LGI4: variants seen among roughly 807,000 people sequenced by gnomAD.
LGI4 encodes leucine rich repeat LGI family member 4, also known as leucine-rich repeat LGI family member 4.
In LGI4, 36 loss-of-function variants were observed where a neutral mutation model predicts 48.3. That is an observed-to-expected ratio of 0.75 (90% CI 0.57 to 0.98). LGI4 has a LOEUF of 0.98. Ranked by LOEUF, LGI4 falls within the 50% of genes least tolerant of loss-of-function variation. The probability of loss-of-function intolerance (pLI) is 0.00; values close to 1 mark genes in which losing one functional copy is unlikely to be tolerated. For missense variants in LGI4, 701 were observed against 732.1 expected (o/e 0.96, Z 0.49); for synonymous variants, 355 against 331.6 (o/e 1.07, Z -0.77).
chr19:35,124,916 C>G lies in LGI4; in HGVS notation c.*277G>C, dbSNP rs576035491. The G allele has an allele frequency of 2.4e-5, 8 of 329,302 alleles. No individual in the cohort carries two copies. In the East Asian group the frequency reaches 3.3e-4, roughly 14 times the overall value. The allele number at this position is 329,302 out of a possible 1,614,324, so 20.4% of individuals were successfully genotyped here. A position where few individuals can be genotyped will look rare whatever the true frequency, so the allele number is the denominator to read the frequency against. ...CCATGCAGTGCACCAGCCTGCACCC[C>G]CCAGGTTGCCTTTGATGGGGAATCT... On this transcript the variant is annotated 3_prime_UTR_variant, in exon 9 of 9. Transcript: ENST00000310123.
At position 35,126,770 on chromosome 19, in the gene LGI4, A is replaced by G; in HGVS notation, c.799T>C (p.Ser267Pro). ...ACCAGTGGCTTGCAGGACACCACGG[A>G]GGCCGCTGTGGGGAGGTGGGGAGGC... ...FRPEEELPAA[S>P]VVSCKPLVLG... Residue 267 changes from serine (S) to proline (P), a missense_variant, in exon 8 of 9, where the codon TCC (serine) becomes CCC (proline). Ser to Pro is a moderately conservative substitution (Grantham distance 74, BLOSUM62 -1). Around this residue, in one of 3 missense-constraint regions of LGI4, gnomAD observed 462 missense variants for 436.4 expected, o/e 1.06. Coordinates refer to ENST00000310123, the MANE Select transcript of LGI4 (RefSeq NM_139284.3). The G allele has an allele frequency of 6.4e-7, 1 of 1,550,696 alleles. No homozygotes were observed. Among genetic ancestry groups the G allele is most frequent in the East Asian group, 2.4e-5 (1 of 41,614 alleles).
chr19:35,132,372 T>C (rs1381274146), intron 3 of LGI4, among the ~76,000 whole-genome samples: 1 of 151,938 alleles, frequency 6.6e-6, no homozygotes, highest in East Asian at 1.9e-4. Context: ...CCAACACCCA[T>C]GTCTTTATCA....
chr19:35,128,717 A>C (rs537984816), intron 6 of LGI4, among the ~76,000 whole-genome samples: 6 of 152,192 alleles, frequency 3.9e-5, no homozygotes, highest in African/African-American at 1.4e-4. Context: ...GTTTCAAATA[A>C]ACAAACAAAC....
rs1447741734 is a variant in LGI4, at chr19:35,132,014, T to C, written c.343A>G (p.Ile115Val). 4 of 1,586,106 alleles carry C rather than the reference T, an allele frequency of 2.5e-6. No homozygotes were observed. In the Admixed American group the frequency reaches 5.4e-5, roughly 21 times the overall value. The change falls in exon 4 of 9, where the codon ATC (isoleucine) becomes GTC (valine). Residue 115 changes from isoleucine (I) to valine (V), a missense_variant. Ile to Val is a conservative substitution (Grantham distance 29, BLOSUM62 3). Around this residue, in one of 3 missense-constraint regions of LGI4, gnomAD observed 462 missense variants for 436.4 expected, o/e 1.06. Coordinates refer to ENST00000310123, the MANE Select transcript of LGI4 (RefSeq NM_139284.3). ...LFIEDNEIGS[I>V]SKNALRGLRS... ...AGTCCTCTGAGGGCATTCTTAGAGA[T>C]GGAGCCAATCTCATTGTCCTCGATG...
chr19:35,133,941 C>T, intron 2 of LGI4, 92 bp downstream of exon 2: 1 of 1,390,602 alleles, frequency 7.2e-7, no homozygotes, highest in Admixed American at 2.0e-5. Context: ...CATCAATGCC[C>T]ACCTGACATC....
chr19:35,131,978 T>C lies in LGI4; in HGVS notation c.379A>G (p.Thr127Ala). 1 of 1,588,954 alleles carries C rather than the reference T, an allele frequency of 6.3e-7. No individual in the cohort carries two copies. The highest frequency in any genetic ancestry group is 1.3e-5 in the African/African-American group (1 of 74,600). The part of the protein sequence containing the change: ...KNALRGLRSL[T>A]HLSLANNHLE... ...GGCGGTGGAGGCACGCACAGGTGTGTAAGCGAGCGAAGTCCTCTGAGGGCA... is the reference window on the plus strand; with the variant it reads ...GGCGGTGGAGGCACGCACAGGTGTGCAAGCGAGCGAAGTCCTCTGAGGGCA... Residue 127 changes from threonine to alanine, a missense_variant, in exon 4 of 9, where the codon ACA becomes GCA. Coordinates refer to ENST00000310123, the MANE Select transcript of LGI4 (RefSeq NM_139284.3).
At chr19:35,133,352 TTTC>T in intron 3 of LGI4, 1 of 1,132,326 alleles carries the variant, frequency 8.8e-7, no homozygotes, top group Non-Finnish European at 1.1e-6. Context: ...ATTTGAAACG[TTTC>T]TTGTCTCTGA....
chr19:35,133,953 G>A (rs780556269), intron 2 of LGI4, 80 bp downstream of exon 2: 38 of 1,426,180 alleles, frequency 2.7e-5, no homozygotes, highest in Non-Finnish European at 3.5e-5. Context: ...CCTGACATCT[G>A]TGTGAGCATA....
intron 6 of LGI4, chr19:35,131,016 G>T: frequency 1.8e-6 from 1 of 570,904 alleles, no homozygotes; most frequent in Non-Finnish European, 3.1e-6. Flanking sequence ...TAGAAAAGGC[G>T]AGTCAATGTA....
At position 35,126,708 on chromosome 19, in the gene LGI4, C is replaced by A; in HGVS notation, c.861G>T (p.Leu287=). The A allele has an allele frequency of 6.5e-7, 1 of 1,538,680 alleles. No homozygotes were observed. Residue 287 remains leucine, a synonymous_variant, in exon 8 of 9, where the codon CTG becomes CTT. Transcript: ENST00000310123. ...GPSLFVLAAR[L]WGGSQLWARP... The stretch of plus-strand genomic sequence containing the variant: ...GGGCCCACAGCTGTGAGCCCCCCCA[C>A]AGGCGGGCAGCCAGCACGAAGAGGC...
intron 6 of LGI4, among the ~76,000 whole-genome samples, chr19:35,129,706 C>T (rs2065162278): frequency 6.6e-6 from 1 of 152,200 alleles, no homozygotes; most frequent in African/African-American, 2.4e-5. Context: ...TTTCCCTGCA[C>T]TGAGACAGCC....
At position 35,132,045 on chromosome 19, in the gene LGI4, G is replaced by A; in HGVS notation, c.315-3C>T. The A allele has an allele frequency of 7.0e-6, 11 of 1,570,946 alleles. No homozygotes were observed. The highest frequency in any genetic ancestry group is 9.5e-6 in the Non-Finnish European group (11 of 1,157,384). On this transcript the variant is annotated splice_region_variant and splice_polypyrimidine_tract_variant and intron_variant, in intron 3 of 8. Coordinates refer to ENST00000310123, the MANE Select transcript of LGI4 (RefSeq NM_139284.3). ...CAATCTCATTGTCCTCGATGAAGCT[G>A]TGGAGGGAAGCTGGGGTCAGGGGGA... is the stretch of plus-strand genomic sequence containing the variant.
At chr19:35,131,586 C>G in intron 5 of LGI4, 31 bp from the exon 6 acceptor site, 1 of 1,542,706 alleles carries the variant, frequency 6.5e-7, no homozygotes, top group Non-Finnish European at 8.8e-7. Flanking sequence ...GGGGCTGCGA[C>G]CCGGCTTCCA....
rs2065114825 is a variant in LGI4 at position 35,124,538 on chromosome 19, C to T, written c.*655G>A. The T allele has an allele frequency of 6.6e-6, 1 of 152,274 alleles. No homozygotes were observed. The highest frequency in any genetic ancestry group is 6.5e-5 in the Admixed American group (1 of 15,290). The allele number at this position is 152,274 out of a possible 1,614,324, so 9.4% of individuals were successfully genotyped here. On this transcript the variant is annotated 3_prime_UTR_variant, in exon 9 of 9. Transcript: ENST00000310123. ...GAGGGTGCACAGCGCATTTATTGAG[C>T]TCGGACTCGTCTTGTCCTTGCCTCC... is the stretch of plus-strand genomic sequence containing the variant.
intron 3 of LGI4, chr19:35,133,226 G>T: frequency 2.3e-6 from 1 of 443,654 alleles, no homozygotes; most frequent in Non-Finnish European, 3.1e-6. Context: ...TGCCAGCATT[G>T]TCATGCTGTG....
intron 8 of LGI4, chr19:35,125,844 A>C (rs1341418920): frequency 1.7e-6 from 1 of 585,106 alleles, no homozygotes; most frequent in Non-Finnish European, 3.2e-6. Flanking sequence ...CTGCTCCCCC[A>C]GTCTGTTCCC....
Position 35,131,776 on chromosome 19 carries a change from C to G in LGI4, c.458+13G>C. On this transcript the variant is annotated intron_variant, in intron 5 of 8. Transcript: ENST00000310123. Reference sequence around the variant, plus strand: ...CCCCAACCCCCCACATTCCCAGCCCCCATGAGCCTCACACATGAGTAAGGG... The same window carrying G: ...CCCCAACCCCCCACATTCCCAGCCCGCATGAGCCTCACACATGAGTAAGGG... The G allele has an allele frequency of 6.5e-7, 1 of 1,543,706 alleles. No homozygotes were observed. Among genetic ancestry groups the G allele is most frequent in the Non-Finnish European group, 8.8e-7 (1 of 1,138,166 alleles).
Position 35,131,476 on chromosome 19 carries a change from C to A in LGI4, c.538G>T (p.Val180Leu). The A allele has an allele frequency of 6.4e-7, 1 of 1,551,348 alleles. No individual in the cohort carries two copies. The highest frequency in any genetic ancestry group is 8.7e-7 in the Non-Finnish European group (1 of 1,147,004). Residue 180 changes from valine to leucine, a missense_variant, in exon 6 of 9, where the codon GTG becomes TTG. Coordinates refer to ENST00000310123, the MANE Select transcript of LGI4 (RefSeq NM_139284.3). ...GGGCCCGCACAGGCGCCGGTCCCCA[C>A]GCTGGCATTCACGGTGGGCATCCAC... ...LQWMPTVNAS[V>L]GTGACAGPAS...
chr19:35,126,157 G>T, intron 8 of LGI4, 113 bp downstream of exon 8: 1 of 1,181,966 alleles, frequency 8.5e-7, no homozygotes, highest in Non-Finnish European at 1.2e-6. Context: ...AGTGTGGGGT[G>T]GGGTCCTGGT....
Sources: allele counts gnomAD v4.1 joint callset (sites outside exome capture counted in the v4.1 genomes callset), GRCh38; gene constraint gnomAD v4.1.1; regional missense constraint gnomAD v4.1.1; transcripts MANE v1.5; gene names NCBI Gene and HGNC (gene_info 2026-07-23, HGNC 2026-07-21).